Variants in PKN2 observed in about 807,000 individuals in gnomAD.
PKN2 encodes the protein serine/threonine-protein kinase N2.
In PKN2, 38 loss-of-function variants were observed where a neutral mutation model predicts 119.1. The ratio of observed to expected loss-of-function variants is 0.32; its 90% confidence interval spans 0.25 to 0.42. PKN2 has a LOEUF of 0.42. Ranked by LOEUF, PKN2 falls within the 10% of genes least tolerant of loss-of-function variation. PKN2 has a pLI of 1.00. For synonymous variants in PKN2, 390 were observed against 384.9 expected, an observed-to-expected ratio of 1.01 and a Z score of -0.15; for missense variants, 850 against 1,165.1, an observed-to-expected ratio of 0.73 and a Z score of 3.94.
chr1:88,755,535 A>G (rs755606570), intron 2 of PKN2, among the ~76,000 whole-genome samples: 4 of 152,212 alleles, frequency 2.6e-5, no homozygotes, highest in Admixed American at 6.5e-5. Context: ...GCAAACCTTT[A>G]TGACTTCTTG....
chr1:88,813,630 T>C lies in PKN2; in HGVS notation c.2176T>C (p.Cys726Arg). ...RHPFLVNLFA[C>R]FQTKEHVCFV... Reference sequence around the variant, plus strand: ...TCCCTTTTTGGTGAACCTTTTTGCATGTTTCCAAACCAAAGAGCATGTTTG... The same window carrying C: ...TCCCTTTTTGGTGAACCTTTTTGCACGTTTCCAAACCAAAGAGCATGTTTG... Residue 726 changes from cysteine (C) to arginine (R), a missense_variant, in exon 16 of 22, where the codon TGT becomes CGT. By Grantham distance (180) the Cys-to-Arg change is radical. Coordinates refer to ENST00000370521, the MANE Select transcript of PKN2 (RefSeq NM_006256.4). 6.2e-7 allele frequency: 1 copy of C among 1,610,386 alleles called. No homozygotes were observed. Among genetic ancestry groups the C allele is most frequent in the African/African-American group, 1.3e-5 (1 of 74,756 alleles).
intron 1 of PKN2, among the ~76,000 whole-genome samples, chr1:88,713,115 T>A (rs1667303655): frequency 6.6e-6 from 1 of 152,246 alleles, no homozygotes. Flanking sequence ...CATCCTTTTT[T>A]ATGGCTGTAT....
chr1:88,719,798 G>T (rs556353286), intron 1 of PKN2, among the ~76,000 whole-genome samples: 7 of 151,662 alleles, frequency 4.6e-5, no homozygotes, highest in Non-Finnish European at 1.0e-4. Context: ...CTGTCCATTG[G>T]CCACTTTTTG....
intron 16 of PKN2, among the ~76,000 whole-genome samples, chr1:88,814,754 G>A (rs1469018849): frequency 1.3e-5 from 2 of 152,092 alleles, no homozygotes; most frequent in African/African-American, 4.8e-5. Flanking sequence ...CTATTAGCAA[G>A]TCCAGTCAAC....
chr1:88,743,460 C>A (rs758379820), intron 2 of PKN2, among the ~76,000 whole-genome samples: 1 of 152,134 alleles, frequency 6.6e-6, no homozygotes, highest in Non-Finnish European at 1.5e-5. Flanking sequence ...AAAGAAATTA[C>A]CTCCTTTAAG....
intron 18 of PKN2, 38 bp from the exon 19 acceptor site, chr1:88,828,443 T>G: frequency 6.5e-7 from 1 of 1,543,436 alleles, no homozygotes; most frequent in Non-Finnish European, 8.8e-7. Context: ...TAGATTTGTT[T>G]TCTTTGCTAA....
chr1:88,796,447 T>C (rs896523356), intron 8 of PKN2, among the ~76,000 whole-genome samples: 1 of 152,234 alleles, frequency 6.6e-6, no homozygotes, highest in East Asian at 1.9e-4. Flanking sequence ...ATGACTTATC[T>C]CTGCCCATGT....
At chr1:88,713,416 C>T (rs997238040) in intron 1 of PKN2, among the ~76,000 whole-genome samples, 1 of 152,290 alleles carries the variant, frequency 6.6e-6, no homozygotes, top group South Asian at 2.1e-4. Context: ...GTTCCTATTT[C>T]TCCACATCCT....
At chr1:88,720,018 ATG>A (rs1470093349) in intron 1 of PKN2, among the ~76,000 whole-genome samples, 1 of 151,946 alleles carries the variant, frequency 6.6e-6, no homozygotes, top group African/African-American at 2.4e-5. Context: ...AGGAGTCAAA[ATG>A]TTTTTTGTTG....
chr1:88,698,229 T>G (rs1045256317), intron 1 of PKN2, among the ~76,000 whole-genome samples: 3 of 152,148 alleles, frequency 2.0e-5, no homozygotes, highest in East Asian at 3.8e-4. Flanking sequence ...AGAATCCATC[T>G]TTTTAAAAGT....
intron 2 of PKN2, among the ~76,000 whole-genome samples, chr1:88,744,310 G>A (rs187587660): frequency 6.6e-6 from 1 of 152,328 alleles, no homozygotes; most frequent in East Asian, 1.9e-4. Flanking sequence ...AATTCCTGTT[G>A]TCTTGTGGGT....
intron 6 of PKN2, among the ~76,000 whole-genome samples, chr1:88,783,342 T>TC (rs1293627873): frequency 6.6e-6 from 1 of 152,296 alleles, no homozygotes; most frequent in African/African-American, 2.4e-5. Flanking sequence ...CGCCTGAGTT[T>TC]CCCCCTCCCT....
intron 1 of PKN2, among the ~76,000 whole-genome samples, chr1:88,728,862 C>T (rs1018801489): frequency 6.6e-6 from 1 of 151,078 alleles, no homozygotes; most frequent in South Asian, 2.1e-4. Context: ...AAGTCTATAG[C>T]CAATGTCCAG....
chr1:88,806,164 T>A, intron 12 of PKN2, 147 bp downstream of exon 12: 4 of 761,460 alleles, frequency 5.3e-6, no homozygotes, highest in Non-Finnish European at 8.3e-6. Context: ...TTTTTGTTTT[T>A]GTTTTTTGAG....
intron 15 of PKN2, among the ~76,000 whole-genome samples, chr1:88,809,987 G>A (rs887741237): frequency 1.3e-5 from 2 of 151,826 alleles, no homozygotes; most frequent in Non-Finnish European, 2.9e-5. Context: ...AGAGAGAAAA[G>A]AAAAATCCAA....
intron 6 of PKN2, among the ~76,000 whole-genome samples, chr1:88,772,357 TGTG>T (rs1297370016): frequency 1.3e-5 from 2 of 152,234 alleles, no homozygotes. Context: ...GTATTCCACT[TGTG>T]GGAATATTCT....
chr1:88,695,720 C>T (rs1307746061), intron 1 of PKN2, among the ~76,000 whole-genome samples: 2 of 152,122 alleles, frequency 1.3e-5, no homozygotes, highest in African/African-American at 4.8e-5. Flanking sequence ...AAAATTGCTT[C>T]TTCTTGGTAA....
At chr1:88,743,796 G>C (rs1004921547) in intron 2 of PKN2, among the ~76,000 whole-genome samples, 34 of 151,896 alleles carry the variant, frequency 2.2e-4, no homozygotes, top group Admixed American at 1.4e-3. Flanking sequence ...TAATTATTAT[G>C]ACACTTGAAA....
At chr1:88,697,420 C>T (rs935246010) in intron 1 of PKN2, among the ~76,000 whole-genome samples, 3 of 152,170 alleles carry the variant, frequency 2.0e-5, no homozygotes, top group Admixed American at 6.5e-5. Context: ...TTTTATTTGA[C>T]TGTTGCTTCA....
Sources: allele counts gnomAD v4.1 joint callset (sites outside exome capture counted in the v4.1 genomes callset), GRCh38; gene constraint gnomAD v4.1.1; transcripts MANE v1.5; gene names NCBI Gene and HGNC (gene_info 2026-07-23, HGNC 2026-07-21).